Variants in ACTN1 observed in about 807,000 individuals in gnomAD.
ACTN1 encodes actinin alpha 1, also known as alpha-actinin-1.
Under a neutral mutation model 119.6 loss-of-function variants are expected in ACTN1, and 30 were observed. The observed-to-expected ratio is 0.25, with a 90% CI of 0.19 to 0.34. The LOEUF (loss-of-function observed/expected upper bound fraction) is 0.34. ACTN1 is among the 10% of genes least tolerant of loss of function. ACTN1 has a pLI of 1.00. For synonymous variants in ACTN1, 429 were observed against 472.6 expected, an observed-to-expected ratio of 0.91 and a Z score of 1.20; for missense variants, 764 against 1,223.4, an observed-to-expected ratio of 0.62 and a Z score of 5.60.
chr14:68,910,104 G>A (rs1038768168), intron 4 of ACTN1, 62 bp from the exon 5 acceptor site: 199 of 1,397,052 alleles, frequency 1.4e-4, no homozygotes, highest in Non-Finnish European at 1.9e-4. Flanking sequence ...AGGGATGCCG[G>A]CTCACAGGAG....
chr14:68,888,870 A>G (rs1005097336), intron 11 of ACTN1, among the ~76,000 whole-genome samples: 1 of 152,156 alleles, frequency 6.6e-6, no homozygotes, highest in Non-Finnish European at 1.5e-5. Context: ...TCCCCACTGC[A>G]TGGAAAAACT....
At chr14:68,933,711 G>A (rs1045848142) in intron 1 of ACTN1, among the ~76,000 whole-genome samples, 13 of 152,040 alleles carry the variant, frequency 8.6e-5, no homozygotes, top group African/African-American at 3.1e-4. Flanking sequence ...GCTGGGTGTA[G>A]TGGCTTATGC....
At chr14:68,907,771 G>C (rs1053981529) in intron 6 of ACTN1, among the ~76,000 whole-genome samples, 1 of 152,096 alleles carries the variant, frequency 6.6e-6, no homozygotes, top group African/African-American at 2.4e-5. Context: ...GGGGGCTCTA[G>C]AGCCACGGTC....
rs764029082 is a variant in ACTN1, at chr14:68,878,075, G to A, written c.2427+383C>T. 6.7e-5 allele frequency: 13 copies of A among 193,440 alleles called. No homozygotes were observed. The highest frequency in any genetic ancestry group is 1.2e-4 in the African/African-American group (5 of 42,832). 12.0% of individuals were successfully genotyped at this position (193,440 alleles called of 1,614,324 possible). A position where few individuals can be genotyped will look rare whatever the true frequency, so the allele number is the denominator to read the frequency against. ...GGCGGCAGGCCCAACCAGAGTCACC[G>A]CCAGGACAGAGGTGGAAGTCTCGGT... On this transcript the variant is annotated intron_variant, in intron 20 of 21. Transcript: ENST00000394419. This position sits in a 1 kb window ranked among gnomAD's most constrained non-coding sequence, Gnocchi z 4.4.
intron 8 of ACTN1, among the ~76,000 whole-genome samples, chr14:68,899,396 TCA>T (rs1230136607): frequency 3.3e-5 from 4 of 121,450 alleles, no homozygotes; most frequent in African/African-American, 3.4e-5. Context: ...TACACACACC[TCA>T]CACACTACAC....
chr14:68,950,311 AAAAAAAAAAG>A (rs2036095170), intron 1 of ACTN1, among the ~76,000 whole-genome samples: 1 of 111,758 alleles, frequency 8.9e-6, no homozygotes, highest in Non-Finnish European at 1.9e-5. Context: ...AAAAAAAAAA[AAAAAAAAAAG>A]AGTTCAGGAG....
In ACTN1 at chr14:68,877,102, T is replaced by C. The variant is rs1282833746; in HGVS notation, c.2566A>G (p.Lys856Glu). 6.2e-7 allele frequency: 1 copy of C among 1,614,102 alleles called. No individual in the cohort carries two copies. Among genetic ancestry groups the C allele is most frequent in the South Asian group, 1.1e-5 (1 of 91,062 alleles). Residue 856 changes from lysine to glutamate, a missense_variant, in exon 21 of 22, where the codon AAG becomes GAG. By Grantham distance (56) the Lys-to-Glu change is moderately conservative. Around this residue, in one of 4 missense-constraint regions of ACTN1, gnomAD observed 544 missense variants for 912.0 expected, o/e 0.60. Coordinates refer to ENST00000394419, the MANE Select transcript of ACTN1 (RefSeq NM_001130004.2). The part of the protein sequence containing the change: ...DTADQVMASF[K>E]ILAGDKNYIT... ...CCCACCTTGTCCCCAGCCAGGATCT[T>C]GAAGGAAGCCATGACTTGGTCTGCT...
intron 1 of ACTN1, chr14:68,936,592 C>G: frequency 1.8e-6 from 1 of 551,504 alleles, no homozygotes; most frequent in Non-Finnish European, 3.5e-6. Context: ...GCCGATTAGG[C>G]CTAATCAAGA....
rs1278435186 is a variant in ACTN1 at position 68,979,233 on chromosome 14, G to A, written c.-177C>T. On this transcript the variant is annotated 5_prime_UTR_variant, in exon 1 of 22. Coordinates refer to ENST00000394419, the MANE Select transcript of ACTN1 (RefSeq NM_001130004.2). ...GCTGGCGAAGGCTGCTACTGGCGGC[G>A]ACAGCGGCGGCTGGGCTCGCGGACT... 6.6e-6 allele frequency: 3 copies of A among 452,860 alleles called. No homozygotes were observed. The highest frequency in any genetic ancestry group is 2.1e-5 in the African/African-American group (1 of 47,672). The allele number at this position is 452,860 out of a possible 1,614,324, so 28.1% of individuals were successfully genotyped here. A position where few individuals can be genotyped will look rare whatever the true frequency, so the allele number is the denominator to read the frequency against.
chr14:68,886,410 TA>T (rs1247987796), intron 11 of ACTN1: 1 of 152,242 alleles, frequency 6.6e-6, no homozygotes, highest in Non-Finnish European at 1.5e-5. Context: ...AAATTACAGG[TA>T]AGCCTACTTA....
chr14:68,880,762 A>G lies in ACTN1; in HGVS notation c.2133+48T>C. The G allele has an allele frequency of 6.3e-7, 1 of 1,592,754 alleles. No homozygotes were observed. Among genetic ancestry groups the G allele is most frequent in the Admixed American group, 1.7e-5 (1 of 59,246 alleles). ...GACTTCCCCACCCAGGAGAAAGAGC[A>G]GAAGGGGCCACGGGCTCCCGAAGAG... On this transcript the variant is annotated intron_variant, in intron 17 of 21. Coordinates refer to ENST00000394419, the MANE Select transcript of ACTN1 (RefSeq NM_001130004.2). This position sits in a 1 kb window ranked among gnomAD's most constrained non-coding sequence, Gnocchi z 4.6.
intron 1 of ACTN1, among the ~76,000 whole-genome samples, chr14:68,948,591 G>C (rs947812245): frequency 2.0e-5 from 3 of 152,044 alleles, no homozygotes; most frequent in African/African-American, 7.2e-5. Flanking sequence ...AAAAAAAGAA[G>C]TAAGGTTTTC....
At position 68,874,128 on chromosome 14, in the gene ACTN1, TA is replaced by T. The variant is rs2140014131; in HGVS notation, c.*730del. 6.6e-6 allele frequency: 1 copy of T among 152,384 alleles called. No homozygotes were observed. Among genetic ancestry groups the T allele is most frequent in the South Asian group, 2.1e-4 (1 of 4,822 alleles). 9.4% of individuals were successfully genotyped at this position (152,384 alleles called of 1,614,324 possible). A position where few individuals can be genotyped will look rare whatever the true frequency, so the allele number is the denominator to read the frequency against. On this transcript the variant is annotated 3_prime_UTR_variant, in exon 22 of 22. Transcript: ENST00000394419. ...GCAAGGAGCAGGCAAAGAGCTGTCATAGGAGTGTGGTTTTTTTAATACCATC... is the reference window on the plus strand; with the variant it reads ...GCAAGGAGCAGGCAAAGAGCTGTCATGGAGTGTGGTTTTTTTAATACCATC...
At chr14:68,950,462 G>GTGTGTGTGTGTGTGTGTGTATGTGTATA in intron 1 of ACTN1, among the ~76,000 whole-genome samples, 6 of 125,936 alleles carry the variant, frequency 4.8e-5, no homozygotes, top group Admixed American at 7.2e-5. Flanking sequence ...ATGCGTGTGT[G>GTGTGTGTGTGTGTGTGTGTATGTGTATA]TATATATATA....
chr14:68,962,669 G>C (rs11623192), intron 1 of ACTN1, among the ~76,000 whole-genome samples: 120,618 of 152,208 alleles, frequency 0.79, 48,876 homozygotes, highest in East Asian at 1. Flanking sequence ...CAGATTCCAT[G>C]TCCACACAAC....
Position 68,880,934 on chromosome 14 carries a change from T to G in ACTN1, c.2009A>C (p.His670Pro), listed in dbSNP as rs1190845777. ...MHGTLEDQLS[H>P]LRQYEKSIVN... ...GATGCTCTTCTCATACTGCCGCAGG[T>G]GGCTGAGCTGGTCCTCCAGGGTCCC... Residue 670 changes from histidine (H) to proline (P), a missense_variant, in exon 17 of 22, where the codon CAC becomes CCC. Around this residue, in one of 4 missense-constraint regions of ACTN1, gnomAD observed 544 missense variants for 912.0 expected, o/e 0.60. Transcript: ENST00000394419. This position sits in a 1 kb window ranked among gnomAD's most constrained non-coding sequence, Gnocchi z 4.6. 6.2e-7 allele frequency: 1 copy of G among 1,614,122 alleles called. No homozygotes were observed. The highest frequency in any genetic ancestry group is 1.3e-5 in the African/African-American group (1 of 75,034).
rs2030646406 is a variant in ACTN1 at position 68,874,766 on chromosome 14, G to C, written c.*93C>G. 1 of 1,326,426 alleles carries C rather than the reference G, an allele frequency of 7.5e-7. No individual in the cohort carries two copies. Among genetic ancestry groups the C allele is most frequent in the African/African-American group, 1.5e-5 (1 of 67,214 alleles). 82.2% of individuals were successfully genotyped at this position (1,326,426 alleles called of 1,614,324 possible). On this transcript the variant is annotated 3_prime_UTR_variant, in exon 22 of 22. Coordinates refer to ENST00000394419, the MANE Select transcript of ACTN1 (RefSeq NM_001130004.2). ...CCCCAGCTCACCCGGGTGGAGGCTGGGAGCTGAAACCGAACCCAGGCAGGA... is the reference window on the plus strand; with the variant it reads ...CCCCAGCTCACCCGGGTGGAGGCTGCGAGCTGAAACCGAACCCAGGCAGGA...
intron 1 of ACTN1, among the ~76,000 whole-genome samples, chr14:68,953,885 C>CA (rs756178152): frequency 2.0e-3 from 204 of 101,698 alleles, no homozygotes; most frequent in South Asian, 0.011. Context: ...GACTCTGTCT[C>CA]AAAAAAAAAA....
chr14:68,950,294 CAAAAAAAAAAA>C lies in ACTN1; in HGVS notation c.106-24633_106-24623del, dbSNP rs60899029. 3.5e-3 allele frequency among the ~76,000 whole-genome samples: 429 copies of C among 121,522 alleles called. 15 individuals carry two copies. In the East Asian group the frequency reaches 0.043, roughly 12 times the overall value. 79.7% of individuals were successfully genotyped at this position (121,522 alleles called of 152,430 possible). ...TGGGTGACAGAGTGAGTTGTTGTCT[CAAAAAAAAAAA>C]AAAAAAAAAAAAAAAGAGTTCAGGA... is the stretch of plus-strand genomic sequence containing the variant. On this transcript the variant is annotated intron_variant, in intron 1 of 21. Coordinates refer to ENST00000394419, the MANE Select transcript of ACTN1 (RefSeq NM_001130004.2).
Sources: allele counts gnomAD v4.1 joint callset (sites outside exome capture counted in the v4.1 genomes callset), GRCh38; gene constraint gnomAD v4.1.1; regional missense constraint gnomAD v4.1.1; non-coding constraint Gnocchi (gnomAD v3.1); transcripts MANE v1.5; gene names NCBI Gene and HGNC (gene_info 2026-07-23, HGNC 2026-07-21).